AKAP9: variants seen among roughly 807,000 people sequenced by gnomAD.
The protein encoded by AKAP9 is A-kinase anchoring protein 9, also known as A-kinase anchor protein 9.
In AKAP9, 311 loss-of-function variants were observed where a neutral mutation model predicts 488.5. That is an observed-to-expected ratio of 0.64 (90% CI 0.58 to 0.70). The LOEUF is 0.70. Ranked by LOEUF, AKAP9 falls within the 30% of genes least tolerant of loss-of-function variation. The pLI is 0.00. For missense variants in AKAP9, 4,215 were observed against 4,374.5 expected (o/e 0.96, Z 1.03); for synonymous variants, 1,462 against 1,483.5 (o/e 0.99, Z 0.33).
Position 92,002,300 on chromosome 7 carries a change from ACTCCTGTT to A in AKAP9, c.2384_2391del (p.Thr795LysfsTer13). On this transcript the variant is annotated frameshift_variant, in exon 8 of 50. Transcript: ENST00000356239. LOFTEE classifies it high-confidence loss of function. ...CCTTGAAGACATGTTGAAAATACAT[ACTCCTGTT>A]AGCCAAGAAGAAAGATTGATTTTCT... 1.9e-6 allele frequency: 3 copies of A among 1,612,668 alleles called. No homozygotes were observed. The highest frequency in any genetic ancestry group is 2.5e-6 in the Non-Finnish European group (3 of 1,179,198).
At chr7:91,965,439 GGCACTTAA>G (rs1485899915) in intron 1 of AKAP9, among the ~76,000 whole-genome samples, 6 of 152,030 alleles carry the variant, frequency 3.9e-5, no homozygotes, top group African/African-American at 1.5e-4. Flanking sequence ...TCAATTGATG[GGCACTTAA>G]GCTAATTTCA....
chr7:92,041,679 CAG>C lies in AKAP9; in HGVS notation c.4918-366_4918-365del, dbSNP rs573721438. 2.9e-5 allele frequency: 6 copies of C among 207,720 alleles called. No individual in the cohort carries two copies. The South Asian group carries it at 4.6e-4, about 16-fold the overall frequency. 12.9% of individuals were successfully genotyped at this position (207,720 alleles called of 1,614,324 possible). A position where few individuals can be genotyped will look rare whatever the true frequency, so the allele number is the denominator to read the frequency against. On this transcript the variant is annotated intron_variant, in intron 18 of 49. Transcript: ENST00000356239. ...ATAAATATCTAGAGATAACTATTAA[CAG>C]TATTCTTTCAAACATAAAATAATAA...
chr7:91,977,514 T>C (rs1795855666), intron 2 of AKAP9, among the ~76,000 whole-genome samples: 1 of 151,366 alleles, frequency 6.6e-6, no homozygotes, highest in South Asian at 2.1e-4. Flanking sequence ...CGAGATCACG[T>C]CACTACACTC....
chr7:92,047,546 G>A (rs1807215919), intron 21 of AKAP9, among the ~76,000 whole-genome samples: 1 of 152,056 alleles, frequency 6.6e-6, no homozygotes, highest in Non-Finnish European at 1.5e-5. Flanking sequence ...GCAATTTTAT[G>A]AGTTTAATTC....
intron 10 of AKAP9, among the ~76,000 whole-genome samples, chr7:92,015,594 C>G (rs1801398922): frequency 6.6e-6 from 1 of 152,012 alleles, no homozygotes; most frequent in Non-Finnish European, 1.5e-5. Context: ...GAACTCCTGA[C>G]CTCAGGTGAT....
Position 92,083,452 on chromosome 7 carries a change from G to A in AKAP9, c.8443G>A (p.Glu2815Lys). 1.2e-6 allele frequency: 2 copies of A among 1,613,966 alleles called. No homozygotes were observed. Among genetic ancestry groups the A allele is most frequent in the Non-Finnish European group, 1.7e-6 (2 of 1,179,940 alleles). The change falls in exon 33 of 50, where the codon GAA becomes AAA. Residue 2815 changes from glutamate (E) to lysine (K), a missense_variant. Glu to Lys is a moderately conservative substitution (Grantham distance 56, BLOSUM62 1). Transcript: ENST00000356239. ...QINLQSECSS[E>K]EVTEIISQFT... The stretch of plus-strand genomic sequence containing the variant: ...TAATTTACAGAGTGAATGTTCCTCA[G>A]AAGAAGTTACTGAAATAATCAGTCA...
At chr7:92,106,709 G>C (rs1319627579) in intron 47 of AKAP9, among the ~76,000 whole-genome samples, 1 of 152,216 alleles carries the variant, frequency 6.6e-6, no homozygotes, top group African/African-American at 2.4e-5. Context: ...GGAGCACACA[G>C]AGGACACAGC....
intron 47 of AKAP9, 58 bp downstream of exon 47, chr7:92,105,821 C>A: frequency 1.4e-6 from 2 of 1,416,422 alleles, no homozygotes; most frequent in Non-Finnish European, 2.0e-6. Flanking sequence ...AGAGGTCCCC[C>A]ACCCCCAGAC....
intron 19 of AKAP9, 21 bp downstream of exon 19, chr7:92,042,207 C>G (rs754453898): frequency 6.2e-7 from 1 of 1,613,408 alleles, no homozygotes; most frequent in Non-Finnish European, 8.5e-7. Context: ...CTTTGCCCCA[C>G]CTAGGAGCAA....
At position 92,079,784 on chromosome 7, in the gene AKAP9, G is replaced by C; in HGVS notation, c.7651G>C (p.Val2551Leu). The C allele has an allele frequency of 6.2e-7, 1 of 1,614,064 alleles. No individual in the cohort carries two copies. The highest frequency in any genetic ancestry group is 8.5e-7 in the Non-Finnish European group (1 of 1,180,006). The change falls in exon 31 of 50, where the codon GTG (valine) becomes CTG (leucine). Residue 2551 changes from valine (V) to leucine (L), a missense_variant. Around this residue, in one of 5 missense-constraint regions of AKAP9, gnomAD observed 1,476 missense variants for 1,477.4 expected, o/e 1.00. Transcript: ENST00000356239. The part of the protein sequence containing the change: ...VNLQKIVEEK[V>L]AAALVSQIQL... ...CCTACAGAAAATAGTTGAAGAAAAAGTGGCTGCTGCTCTTGTCAGTCAAAT... is the reference window on the plus strand; with the variant it reads ...CCTACAGAAAATAGTTGAAGAAAAACTGGCTGCTGCTCTTGTCAGTCAAAT...
At chr7:92,034,228 A>G (rs1804773259) in intron 16 of AKAP9, among the ~76,000 whole-genome samples, 2 of 152,126 alleles carry the variant, frequency 1.3e-5, no homozygotes, top group Non-Finnish European at 2.9e-5. Flanking sequence ...AGGTGTCTTT[A>G]AGACACGGTC....
Position 92,093,114 on chromosome 7 carries a change from A to G in AKAP9, c.9376A>G (p.Ile3126Val), listed in dbSNP as rs2130891688. ...CTGTGTAGAACTCTTGGAATATAAT[A>G]TACAGCAGAAGCAGTCTCAAATGCT... is the stretch of plus-strand genomic sequence containing the variant. ...KPSQELLEYN[I>V]QQKQSQMLEM... The change falls in exon 39 of 50, where the codon ATA (isoleucine) becomes GTA (valine). Residue 3126 changes from isoleucine (I) to valine (V), a missense_variant. Ile to Val is a conservative substitution (Grantham distance 29, BLOSUM62 3). Transcript: ENST00000356239. The G allele has an allele frequency of 6.2e-7, 1 of 1,613,690 alleles. No individual in the cohort carries two copies. Among genetic ancestry groups the G allele is most frequent in the Admixed American group, 1.7e-5 (1 of 60,012 alleles).
intron 29 of AKAP9, 98 bp from the exon 30 acceptor site, chr7:92,077,598 T>C (rs1001989307): frequency 9.4e-7 from 1 of 1,058,834 alleles, no homozygotes; most frequent in Non-Finnish European, 1.5e-6. Context: ...TCTGATTTTA[T>C]TCATTTGTAC....
chr7:91,996,822 A>G (rs529792029), intron 7 of AKAP9, among the ~76,000 whole-genome samples: 2 of 152,338 alleles, frequency 1.3e-5, no homozygotes, highest in South Asian at 4.1e-4. Context: ...TTGGATGATA[A>G]TAATAATAGT....
At chr7:91,951,853 C>T (rs1792295101) in intron 1 of AKAP9, among the ~76,000 whole-genome samples, 3 of 151,060 alleles carry the variant, frequency 2.0e-5, no homozygotes, top group Admixed American at 6.8e-5. Flanking sequence ...CCAGCCTGGG[C>T]AACAGAGTGA....
intron 22 of AKAP9, among the ~76,000 whole-genome samples, chr7:92,055,955 C>G (rs1808720049): frequency 6.6e-6 from 1 of 151,872 alleles, no homozygotes; most frequent in Admixed American, 6.6e-5. Context: ...TAACTACTTA[C>G]CTACAGATTT....
chr7:92,078,290 G>A (rs2006299), intron 30 of AKAP9, among the ~76,000 whole-genome samples: 18,175 of 145,330 alleles, frequency 0.13, 1,241 homozygotes, highest in East Asian at 0.37. Context: ...GAGCCACCAC[G>A]CCTGGCCCAA....
At chr7:92,077,182 G>A (rs1225480323) in intron 29 of AKAP9, among the ~76,000 whole-genome samples, 175 bp downstream of exon 29, 3 of 138,300 alleles carry the variant, frequency 2.2e-5, no homozygotes, top group East Asian at 2.1e-4. Flanking sequence ...TGCAAGCTCC[G>A]CCTCCCTGGT....
Position 92,086,296 on chromosome 7 carries a change from A to G in AKAP9, c.9093A>G (p.Gln3031=), listed in dbSNP as rs776011305. 2.5e-6 allele frequency: 4 copies of G among 1,614,030 alleles called. No individual in the cohort carries two copies. Among genetic ancestry groups the G allele is most frequent in the Non-Finnish European group, 3.4e-6 (4 of 1,180,024 alleles). Residue 3031 remains glutamine (Q), a synonymous_variant, in exon 37 of 50, where the codon CAA becomes CAG. Coordinates refer to ENST00000356239, the MANE Select transcript of AKAP9 (RefSeq NM_005751.5). ...GAGGTGAACTACTGCTTGCCCTTCA[A>G]CAAGTTTTCTTAGAAGAGCGTAGTG... is the stretch of plus-strand genomic sequence containing the variant. ...DWRGELLLAL[Q]QVFLEERSVL...
Sources: gnomAD v4.1 joint callset for allele counts (sites outside exome capture counted in the v4.1 genomes callset) on GRCh38, gnomAD v4.1.1 for gene constraint, gnomAD v4.1.1 regional missense constraint, MANE v1.5 for transcripts, NCBI Gene and HGNC (gene_info 2026-07-23, HGNC 2026-07-21) for gene names.